The following ZNF395 variants were observed in gnomAD, a reference collection of about 807,000 sequenced individuals.
The protein encoded by ZNF395 is zinc finger protein 395.
A neutral mutation model predicts 57.7 loss-of-function variants in ZNF395; 20 were observed. The ratio of observed to expected loss-of-function variants is 0.35; its 90% confidence interval spans 0.24 to 0.50. The LOEUF is 0.50. Among genes scored for constraint, ZNF395 ranks in the 20% least tolerant of loss-of-function variants. ZNF395 has a pLI of 0.97. For synonymous variants in ZNF395, 295 were observed against 275.9 expected (o/e 1.07, Z -0.69); for missense variants, 606 against 671.2 (o/e 0.90, Z 1.07).
Position 28,351,708 on chromosome 8 carries a change from G to GGCAGCAGCAGCA in ZNF395, c.1008_1019dup (p.Ala338_Ala341dup), listed in dbSNP as rs547945591. The GGCAGCAGCAGCA allele has an allele frequency of 5.6e-6, 9 of 1,608,934 alleles. No homozygotes were observed. The East Asian group carries it at 1.8e-4, about 32-fold the overall frequency. On this transcript the variant is annotated inframe_insertion, in exon 7 of 10. Transcript: ENST00000344423. ...GAGTCCCAGGGACTGGGGTGCCTGC[G>GGCAGCAGCAGCA]GCAGCAGCAGCAGCAGCAGCAGCAG... is the stretch of plus-strand genomic sequence containing the variant.
Position 28,352,777 on chromosome 8 carries a change from C to A in ZNF395, c.820-104G>T. On this transcript the variant is annotated intron_variant, in intron 5 of 9. Coordinates refer to ENST00000344423, the MANE Select transcript of ZNF395 (RefSeq NM_018660.3). The surrounding 1 kb of genome is among the most constrained non-coding windows in gnomAD (Gnocchi z 4.0). ...ACTGGCTGCTGTCCCCGGCCTGACC[C>A]AACAAAAACCTCCAGGAAAGGGGTT... The A allele has an allele frequency of 1.1e-6, 1 of 922,272 alleles. No homozygotes were observed. The highest frequency in any genetic ancestry group is 1.7e-6 in the Non-Finnish European group (1 of 596,884). The allele number at this position is 922,272 out of a possible 1,614,324, so 57.1% of individuals were successfully genotyped here.
chr8:28,357,578 C>T (rs938970400), intron 3 of ZNF395, among the ~76,000 whole-genome samples: 2 of 152,210 alleles, frequency 1.3e-5, no homozygotes, highest in African/African-American at 4.8e-5. Context: ...TTAATTTATT[C>T]CTTACAATTC....
At chr8:28,380,874 G>A (rs182035154) in intron 1 of ZNF395, among the ~76,000 whole-genome samples, 7 of 152,294 alleles carry the variant, frequency 4.6e-5, no homozygotes, top group African/African-American at 1.7e-4. Context: ...TTGAGACAGG[G>A]TCTCACTGTT....
chr8:28,384,333 A>G (rs1802145204), intron 1 of ZNF395, among the ~76,000 whole-genome samples: 2 of 152,190 alleles, frequency 1.3e-5, no homozygotes, highest in Non-Finnish European at 2.9e-5. Flanking sequence ...ATGGCTAAGG[A>G]CATCTCCTTG....
At chr8:28,364,653 C>CAAA (rs1221074238) in intron 1 of ZNF395, among the ~76,000 whole-genome samples, 24 of 44,026 alleles carry the variant, frequency 5.5e-4, no homozygotes, top group African/African-American at 6.3e-4. Context: ...GACTCCGTCT[C>CAAA]AAAAAAAAAA....
chr8:28,374,240 C>T (rs12680464), intron 1 of ZNF395, among the ~76,000 whole-genome samples: 2,162 of 152,250 alleles, frequency 0.014, 74 homozygotes, highest in East Asian at 0.13. Context: ...AGAGACCTTA[C>T]GTAATCCACA....
intron 1 of ZNF395, among the ~76,000 whole-genome samples, chr8:28,363,758 C>T (rs1033830397): frequency 3.3e-5 from 5 of 152,286 alleles, no homozygotes; most frequent in South Asian, 2.1e-4. Flanking sequence ...CTTCAGACGG[C>T]GCCTGAAATG....
At chr8:28,367,448 C>T (rs772182047) in intron 1 of ZNF395, among the ~76,000 whole-genome samples, 1 of 152,202 alleles carries the variant, frequency 6.6e-6, no homozygotes, top group Non-Finnish European at 1.5e-5. Context: ...CAAATTCTCT[C>T]CAGCAAATAA....
At chr8:28,370,287 G>A (rs1276017821) in intron 1 of ZNF395, among the ~76,000 whole-genome samples, 5 of 152,200 alleles carry the variant, frequency 3.3e-5, no homozygotes, top group African/African-American at 9.7e-5. Flanking sequence ...CCTTAGTGAC[G>A]AGAAGACAGG....
chr8:28,375,523 A>C (rs1802030288), intron 1 of ZNF395: 1 of 152,340 alleles, frequency 6.6e-6, no homozygotes, highest in African/African-American at 2.4e-5. Context: ...GGTCACGAGG[A>C]ACTCATCTGG....
At chr8:28,374,228 A>G (rs188015333) in intron 1 of ZNF395, among the ~76,000 whole-genome samples, 2 of 152,346 alleles carry the variant, frequency 1.3e-5, no homozygotes, top group East Asian at 3.9e-4. Flanking sequence ...GCAATTCAGT[A>G]AAGAGACCTT....
chr8:28,378,525 G>A (rs1468038785), intron 1 of ZNF395, among the ~76,000 whole-genome samples: 1 of 152,218 alleles, frequency 6.6e-6, no homozygotes, highest in African/African-American at 2.4e-5. Context: ...ACAGGCGTGA[G>A]TCAATGCACC....
chr8:28,350,283 G>T, intron 7 of ZNF395, 127 bp from the exon 8 acceptor site: 1 of 765,150 alleles, frequency 1.3e-6, no homozygotes, highest in Non-Finnish European at 2.1e-6. Flanking sequence ...ACCAGAAAGA[G>T]CTGGGACACA....
At chr8:28,369,087 C>T (rs544350241) in intron 1 of ZNF395, among the ~76,000 whole-genome samples, 9 of 151,804 alleles carry the variant, frequency 5.9e-5, no homozygotes, top group African/African-American at 2.2e-4. Context: ...CTGCCCACCT[C>T]GGCCTCCCAA....
At chr8:28,384,887 T>C (rs971470414) in intron 1 of ZNF395, among the ~76,000 whole-genome samples, 1 of 152,232 alleles carries the variant, frequency 6.6e-6, no homozygotes, top group Non-Finnish European at 1.5e-5. Flanking sequence ...CTGGGGTCTC[T>C]TCGGTGCCTC....
Position 28,352,682 on chromosome 8 carries a change from A to C in ZNF395, c.820-9T>G. 1 of 1,612,362 alleles carries C rather than the reference A, an allele frequency of 6.2e-7. No homozygotes were observed. Among genetic ancestry groups the C allele is most frequent in the Non-Finnish European group, 8.5e-7 (1 of 1,178,388 alleles). On this transcript the variant is annotated splice_polypyrimidine_tract_variant and intron_variant, in intron 5 of 9. Coordinates refer to ENST00000344423, the MANE Select transcript of ZNF395 (RefSeq NM_018660.3). This position sits in a 1 kb window ranked among gnomAD's most constrained non-coding sequence, Gnocchi z 4.0. Reference sequence around the variant, plus strand: ...ATCACCTTCACAGAGTTCTACAGGAAAGGAAGACAGGGTGAGTGGATATGT... The same window carrying C: ...ATCACCTTCACAGAGTTCTACAGGACAGGAAGACAGGGTGAGTGGATATGT...
chr8:28,363,420 C>T (rs1246327176), intron 1 of ZNF395, among the ~76,000 whole-genome samples: 4 of 152,124 alleles, frequency 2.6e-5, no homozygotes, highest in African/African-American at 9.7e-5. Flanking sequence ...AGGCATGAGG[C>T]ACCGTGCCTG....
At chr8:28,355,489 T>C (rs938528168) in intron 4 of ZNF395, among the ~76,000 whole-genome samples, 11 of 152,080 alleles carry the variant, frequency 7.2e-5, no homozygotes, top group African/African-American at 2.7e-4. Flanking sequence ...GTCAGGATGA[T>C]GGCATATCAT....
intron 8 of ZNF395, among the ~76,000 whole-genome samples, chr8:28,349,813 A>G (rs1244737741): frequency 2.6e-5 from 4 of 152,248 alleles, no homozygotes; most frequent in African/African-American, 9.6e-5. Flanking sequence ...TTTTCTTGGC[A>G]AGAAACCTGC....
Sources: gnomAD v4.1 joint callset for allele counts (sites outside exome capture counted in the v4.1 genomes callset) on GRCh38, gnomAD v4.1.1 for gene constraint, Gnocchi (gnomAD v3.1) non-coding constraint, MANE v1.5 for transcripts, NCBI Gene and HGNC (gene_info 2026-07-23, HGNC 2026-07-21) for gene names.